RPL39L: variants seen among roughly 807,000 people sequenced by gnomAD.
The protein encoded by RPL39L is ribosomal protein eL39-like 2.
For missense variants in RPL39L, 48 were observed against 58.9 expected (o/e 0.81, Z 0.61); for synonymous variants, 16 against 20.1 (o/e 0.80, Z 0.55).
intron 2 of RPL39L, among the ~76,000 whole-genome samples, chr3:187,124,494 G>A (rs545864818): frequency 5.3e-5 from 8 of 152,184 alleles, no homozygotes; most frequent in South Asian, 2.1e-4. Context: ...TTTAACTGGC[G>A]CTTCAAGAAA....
intron 1 of RPL39L, among the ~76,000 whole-genome samples, chr3:187,128,656 A>G (rs1720438330): frequency 6.6e-6 from 1 of 152,090 alleles, no homozygotes; most frequent in Non-Finnish European, 1.5e-5. Context: ...ACTACAGGTT[A>G]TGTCCCAGCA....
rs1046121527 is a variant in RPL39L at position 187,139,411 on chromosome 3, G to A, written c.-291C>T. On this transcript the variant is annotated 5_prime_UTR_variant, in exon 1 of 3. Transcript: ENST00000296277. ...GGCCTTGGTGTCTCTGAGACTCCGA[G>A]ACGCCTCGCCCCCACCTGGCGTTCG... The A allele has an allele frequency of 2.0e-5, 3 of 152,318 alleles. No individual in the cohort carries two copies. Among genetic ancestry groups the A allele is most frequent in the South Asian group, 4.2e-4 (2 of 4,814 alleles). 9.4% of individuals were successfully genotyped at this position (152,318 alleles called of 1,614,324 possible).
chr3:187,137,511 AAAAAAG>A (rs1553844437), intron 1 of RPL39L, among the ~76,000 whole-genome samples: 1 of 152,068 alleles, frequency 6.6e-6, no homozygotes, highest in East Asian at 1.9e-4. Context: ...CTCCGTCTTC[AAAAAAG>A]AAAAAGAAAA....
At chr3:187,126,805 T>A (rs553457144) in intron 2 of RPL39L, among the ~76,000 whole-genome samples, 2 of 152,164 alleles carry the variant, frequency 1.3e-5, no homozygotes, top group Admixed American at 1.3e-4. Context: ...ACAGGGGAGA[T>A]TGAAAACAAA....
intron 1 of RPL39L, among the ~76,000 whole-genome samples, chr3:187,132,189 G>T (rs909089575): frequency 2.0e-5 from 3 of 152,188 alleles, no homozygotes; most frequent in African/African-American, 7.2e-5. Context: ...AACCAAATAT[G>T]CCCCCAGGCA....
intron 1 of RPL39L, among the ~76,000 whole-genome samples, chr3:187,131,638 A>T (rs1456011090): frequency 6.6e-6 from 1 of 152,232 alleles, no homozygotes; most frequent in African/African-American, 2.4e-5. Context: ...GTGACCTTGA[A>T]CACATTTCTT....
chr3:187,135,580 T>C (rs1335883122), intron 1 of RPL39L, among the ~76,000 whole-genome samples: 1 of 152,210 alleles, frequency 6.6e-6, no homozygotes, highest in Admixed American at 6.5e-5. Flanking sequence ...AACCTCCTTC[T>C]TTTGTAAATT....
intron 1 of RPL39L, among the ~76,000 whole-genome samples, chr3:187,130,005 C>T (rs1720460727): frequency 6.6e-6 from 1 of 152,174 alleles, no homozygotes; most frequent in African/African-American, 2.4e-5. Flanking sequence ...TCATCTCATA[C>T]ATAGTTTTAA....
intron 2 of RPL39L, among the ~76,000 whole-genome samples, chr3:187,122,300 T>C (rs751633436): frequency 6.6e-6 from 1 of 152,186 alleles, no homozygotes; most frequent in African/African-American, 2.4e-5. Flanking sequence ...CATCTCAGAT[T>C]GTGAGAGTAA....
Position 187,130,577 on chromosome 3 carries a change from TA to T in RPL39L, c.-92-2516del, listed in dbSNP as rs529513316. Reference sequence around the variant, plus strand: ...CTCCCACTTCACCTTCTGCCATGAGTAAAAGCTCCCTGAGGCCTCCTCAGAA... The same window carrying T: ...CTCCCACTTCACCTTCTGCCATGAGTAAAGCTCCCTGAGGCCTCCTCAGAA... On this transcript the variant is annotated intron_variant, in intron 1 of 2. Transcript: ENST00000296277. Among the ~76,000 whole-genome samples, 504 of 152,264 alleles carry T rather than the reference TA, an allele frequency of 3.3e-3. 5 individuals carry two copies. The highest frequency in any genetic ancestry group is 0.012 in the African/African-American group (482 of 41,544).
chr3:187,137,382 T>C (rs1720598898), intron 1 of RPL39L, among the ~76,000 whole-genome samples: 1 of 150,990 alleles, frequency 6.6e-6, no homozygotes, highest in Admixed American at 6.6e-5. Flanking sequence ...TGGTGGCACA[T>C]GCCTGTAGTC....
At chr3:187,124,628 T>G (rs1212149604) in intron 2 of RPL39L, among the ~76,000 whole-genome samples, 3 of 152,168 alleles carry the variant, frequency 2.0e-5, no homozygotes, top group Non-Finnish European at 4.4e-5. Flanking sequence ...ATCAAGGTGC[T>G]CATAAGGGTC....
chr3:187,126,045 G>T (rs1447477458), intron 2 of RPL39L, among the ~76,000 whole-genome samples: 1 of 152,102 alleles, frequency 6.6e-6, no homozygotes, highest in Non-Finnish European at 1.5e-5. Flanking sequence ...GGAACTCCGG[G>T]AATCTTTTAA....
chr3:187,137,299 A>G (rs1720597408), intron 1 of RPL39L, among the ~76,000 whole-genome samples: 1 of 151,310 alleles, frequency 6.6e-6, no homozygotes, highest in African/African-American at 2.4e-5. Context: ...ACCTGAGGTC[A>G]GGAGTTCCAG....
chr3:187,137,128 A>G (rs1177740965), intron 1 of RPL39L, among the ~76,000 whole-genome samples: 2 of 141,146 alleles, frequency 1.4e-5, no homozygotes, highest in African/African-American at 5.2e-5. Context: ...TGAGCCGAGG[A>G]GATGAGGTTG....
intron 1 of RPL39L, among the ~76,000 whole-genome samples, chr3:187,134,689 T>C (rs764161509): frequency 2.6e-5 from 4 of 152,210 alleles, no homozygotes; most frequent in South Asian, 2.1e-4. Flanking sequence ...TGTAAGTGCA[T>C]AACCTAAGTA....
In RPL39L at chr3:187,121,329, C is replaced by G. The variant is rs906567889; in HGVS notation, c.-28-1G>C. Reference sequence around the variant, plus strand: ...GAGAAACAGAGTCAACCACACACCACTATGGCGGAGAAAGGGAGAGAGAGA... The same window carrying G: ...GAGAAACAGAGTCAACCACACACCAGTATGGCGGAGAAAGGGAGAGAGAGA... On this transcript the variant is annotated splice_acceptor_variant, in intron 2 of 2. Coordinates refer to ENST00000296277, the MANE Select transcript of RPL39L (RefSeq NM_052969.3). LOFTEE classifies it low-confidence loss of function (5UTR_SPLICE). 4 of 1,612,438 alleles carry G rather than the reference C, an allele frequency of 2.5e-6. No homozygotes were observed. The African/African-American group carries it at 4.0e-5, about 16-fold the overall frequency.
At chr3:187,134,898 T>C (rs1489986998) in intron 1 of RPL39L, among the ~76,000 whole-genome samples, 1 of 152,226 alleles carries the variant, frequency 6.6e-6, no homozygotes, top group Non-Finnish European at 1.5e-5. Flanking sequence ...TTTTGCATTC[T>C]GTGGTGTTCA....
chr3:187,138,908 A>G (rs544249038), intron 1 of RPL39L, among the ~76,000 whole-genome samples: 60 of 152,094 alleles, frequency 3.9e-4, no homozygotes, highest in African/African-American at 1.4e-3. Context: ...AAAATACAAA[A>G]ATTAGCCGAG....
Sources: gnomAD v4.1 joint callset for allele counts (sites outside exome capture counted in the v4.1 genomes callset) on GRCh38, gnomAD v4.1.1 for gene constraint, MANE v1.5 for transcripts, NCBI Gene and HGNC (gene_info 2026-07-23, HGNC 2026-07-21) for gene names.